Variants in AGR3 observed in about 807,000 individuals in gnomAD.
The protein encoded by AGR3 is anterior gradient 3, protein disulphide isomerase family member.
AGR3 carries 37 observed loss-of-function variants against 24.5 expected under a neutral mutation model. The ratio of observed to expected loss-of-function variants is 1.51; its 90% CI spans 1.16 to 1.99. The LOEUF (loss-of-function observed/expected upper bound fraction) is 1.99. Among genes scored for constraint, AGR3 ranks in the 30% most tolerant of loss-of-function variants. The probability of loss-of-function intolerance (pLI) is 0.00; values close to 1 mark genes in which losing one functional copy is unlikely to be tolerated. For missense variants in AGR3, 228 were observed against 191.1 expected, an observed-to-expected ratio of 1.19 and a Z score of -1.14; for synonymous variants, 75 against 61.6, an observed-to-expected ratio of 1.22 and a Z score of -1.02.
chr7:16,857,478 C>G (rs1781569206), downstream of AGR3, among the ~76,000 whole-genome samples: 1 of 152,094 alleles, frequency 6.6e-6, no homozygotes, highest in African/African-American at 2.4e-5. Context: ...TAGTCCACTG[C>G]AAATAACTGC....
intron 1 of AGR3, among the ~76,000 whole-genome samples, chr7:16,881,126 C>A (rs1232145306): frequency 6.6e-6 from 1 of 152,196 alleles, no homozygotes; most frequent in Non-Finnish European, 1.5e-5. Context: ...GCTACAGAGA[C>A]AAGCAGGTGG....
At chr7:16,874,133 T>C (rs1326189069) in intron 2 of AGR3, among the ~76,000 whole-genome samples, 1 of 152,222 alleles carries the variant, frequency 6.6e-6, no homozygotes, top group Non-Finnish European at 1.5e-5. Context: ...AAGGACATCT[T>C]TGGATAATGT....
rs923392440 is a variant in AGR3, at chr7:16,862,473, G to T, written c.226+137C>A. On this transcript the variant is annotated intron_variant, in intron 4 of 7. Transcript: ENST00000310398. ...TGGTCTTTAAGCACCTTAGTAAAAT[G>T]ATGGTACTCTGGCAGTTGTCTATTT... 21 of 471,118 alleles carry T rather than the reference G, an allele frequency of 4.5e-5. 1 individual carries two copies. In the South Asian group the frequency reaches 1.1e-3, roughly 26 times the overall value. The allele number at this position is 471,118 out of a possible 1,614,324, so 29.2% of individuals were successfully genotyped here.
chr7:16,860,751 A>G (rs1015694357), intron 6 of AGR3, among the ~76,000 whole-genome samples, 168 bp from the exon 7 acceptor site: 3 of 152,234 alleles, frequency 2.0e-5, no homozygotes, highest in Admixed American at 2.0e-4. Flanking sequence ...CCAACACCCT[A>G]ATAGTGAACA....
intron 3 of AGR3, among the ~76,000 whole-genome samples, chr7:16,869,976 T>G (rs1464194330): frequency 6.6e-6 from 1 of 151,968 alleles, no homozygotes; most frequent in Non-Finnish European, 1.5e-5. Context: ...AAAAATCTTA[T>G]CACAATTTAT....
chr7:16,859,317 AG>A, downstream of AGR3: 1 of 341,670 alleles, frequency 2.9e-6, no homozygotes, highest in Non-Finnish European at 5.3e-6. Flanking sequence ...CAAACTGTAT[AG>A]GCACCTCTTA....
intron 2 of AGR3, among the ~76,000 whole-genome samples, chr7:16,877,443 G>C (rs769689268): frequency 6.6e-6 from 1 of 151,226 alleles, no homozygotes; most frequent in Non-Finnish European, 1.5e-5. Context: ...ATTTGCAGTG[G>C]TAATATGAAT....
intron 3 of AGR3, among the ~76,000 whole-genome samples, chr7:16,868,139 C>G (rs12670483): frequency 0.3 from 45,439 of 151,676 alleles, 8,449 homozygotes; most frequent in Non-Finnish European, 0.42. Flanking sequence ...TTGTTTTCAT[C>G]TACCTGTTGG....
chr7:16,868,318 G>A (rs1311807343), intron 3 of AGR3, among the ~76,000 whole-genome samples: 2 of 152,050 alleles, frequency 1.3e-5, no homozygotes, highest in Non-Finnish European at 2.9e-5. Flanking sequence ...ACTATGCCTG[G>A]CTAATTTTGT....
intron 1 of AGR3, among the ~76,000 whole-genome samples, chr7:16,880,132 TTCTC>T (rs1583849736): frequency 7.3e-6 from 1 of 137,022 alleles, no homozygotes; most frequent in African/African-American, 2.7e-5. Flanking sequence ...TCCTTCCTCT[TTCTC>T]TCTCTCTTTC....
At chr7:16,865,453 T>C (rs895009239) in intron 3 of AGR3, 4 of 814,124 alleles carry the variant, frequency 4.9e-6, no homozygotes, top group African/African-American at 1.7e-5. Context: ...GGGTTGAAAC[T>C]AATATTTGAG....
At chr7:16,861,899 TAAAAAAA>T (rs56817783) in intron 5 of AGR3, 78 bp downstream of exon 5, 4 of 864,754 alleles carry the variant, frequency 4.6e-6, no homozygotes, top group Admixed American at 6.8e-5. Flanking sequence ...AGACTCTGTC[TAAAAAAA>T]AAAAAAAAAA....
intron 3 of AGR3, among the ~76,000 whole-genome samples, chr7:16,871,077 G>A (rs1781855696): frequency 6.6e-6 from 1 of 152,080 alleles, no homozygotes; most frequent in Non-Finnish European, 1.5e-5. Context: ...CATAGCAGTG[G>A]ACATTCAAGG....
chr7:16,864,292 A>C (rs112759983), intron 3 of AGR3: 6 of 1,355,006 alleles, frequency 4.4e-6, no homozygotes, highest in Non-Finnish European at 6.3e-6. Context: ...ATAGTCTTCT[A>C]TTATTATATT....
chr7:16,869,812 T>G (rs542896968), intron 3 of AGR3, among the ~76,000 whole-genome samples: 2 of 151,900 alleles, frequency 1.3e-5, no homozygotes, highest in African/African-American at 2.4e-5. Context: ...ATATTTTATT[T>G]ATTTACAAGT....
chr7:16,879,803 T>C (rs1040765100), intron 1 of AGR3, among the ~76,000 whole-genome samples: 3 of 152,208 alleles, frequency 2.0e-5, no homozygotes, highest in Admixed American at 6.5e-5. Context: ...TGGTAAAACA[T>C]TTGGCAATTT....
At chr7:16,857,991 CTT>C (rs58150058), downstream of AGR3, among the ~76,000 whole-genome samples, 2 of 144,004 alleles carry the variant, frequency 1.4e-5, no homozygotes, top group Admixed American at 6.9e-5. Flanking sequence ...AAAACATTTT[CTT>C]TTTTTTTTTT....
Position 16,878,758 on chromosome 7 carries a change from G to C in AGR3, c.-27-113C>G, listed in dbSNP as rs145911145. On this transcript the variant is annotated intron_variant, in intron 1 of 7. Coordinates refer to ENST00000310398, the MANE Select transcript of AGR3 (RefSeq NM_176813.5). ...TGATGACAGACTGTTCAGCTTTTTT[G>C]GTTTGACATGGTATAACCAACCACA... 4.4e-3 allele frequency: 3,045 copies of C among 698,834 alleles called. 14 individuals carry two copies. Among genetic ancestry groups the C allele is most frequent in the Non-Finnish European group, 5.5e-3 (2,341 of 423,676 alleles). The allele number at this position is 698,834 out of a possible 1,614,324, so 43.3% of individuals were successfully genotyped here.
At chr7:16,863,263 T>C (rs1017972064) in intron 3 of AGR3, among the ~76,000 whole-genome samples, 1 of 152,234 alleles carries the variant, frequency 6.6e-6, no homozygotes, top group African/African-American at 2.4e-5. Context: ...ATGTATTCAT[T>C]TCCAATGAAC....
Sources: allele counts gnomAD v4.1 joint callset (sites outside exome capture counted in the v4.1 genomes callset), GRCh38; gene constraint gnomAD v4.1.1; transcripts MANE v1.5; gene names NCBI Gene and HGNC (gene_info 2026-07-23, HGNC 2026-07-21).